The following EPHA5 variants were observed in gnomAD, a reference collection of about 807,000 sequenced individuals.
EPHA5 encodes EPH receptor A5.
Under a neutral mutation model 105.0 loss-of-function variants are expected in EPHA5, and 60 were observed. That is an observed-to-expected ratio of 0.57 (90% CI 0.46 to 0.71). EPHA5 has a LOEUF of 0.71. EPHA5 is among the 30% of genes least tolerant of loss of function. EPHA5 has a pLI of 0.00. For missense variants in EPHA5, 1,218 were observed against 1,274.7 expected, an observed-to-expected ratio of 0.96 and a Z score of 0.68; for synonymous variants, 513 against 449.1, an observed-to-expected ratio of 1.14 and a Z score of -1.80.
At chr4:65,425,216 C>T (rs113441988) in intron 5 of EPHA5, among the ~76,000 whole-genome samples, 119 of 152,084 alleles carry the variant, frequency 7.8e-4, no homozygotes, top group African/African-American at 2.1e-3. Flanking sequence ...ACTGAAGTCC[C>T]TACACGTCAG....
At position 65,362,245 on chromosome 4, in the gene EPHA5, T is replaced by G. The variant is rs572652258; in HGVS notation, c.2173+2772A>C. ...CATAGGAGGGCTACTTCAGACTCCC[T>G]ACCTCAACTTCAATAAGAAAAGTCA... On this transcript the variant is annotated intron_variant, in intron 11 of 16. Transcript: ENST00000613740. 5.5e-3 allele frequency among the ~76,000 whole-genome samples: 833 copies of G among 150,786 alleles called. 8 individuals carry two copies. The highest frequency in any genetic ancestry group is 0.02 in the African/African-American group (805 of 41,238).
At position 65,503,135 on chromosome 4, in the gene EPHA5, T is replaced by A. The variant is rs1286726371; in HGVS notation, c.911-7592A>T. Among the ~76,000 whole-genome samples, 4 of 151,530 alleles carry A rather than the reference T, an allele frequency of 2.6e-5. No individual in the cohort carries two copies. The Admixed American group carries it at 2.6e-4, about 10-fold the overall frequency. On this transcript the variant is annotated intron_variant, in intron 3 of 16. Coordinates refer to ENST00000613740, the MANE Select transcript of EPHA5 (RefSeq NM_001281766.3). Reference sequence around the variant, plus strand: ...CTAGAGGGAAGAAGGAGGAAGGAAGTTGAGTCAGGGATGAAAAGCTAACTG... The same window carrying A: ...CTAGAGGGAAGAAGGAGGAAGGAAGATGAGTCAGGGATGAAAAGCTAACTG...
chr4:65,351,593 G>A lies in EPHA5; in HGVS notation c.2241C>T (p.Asn747=), dbSNP rs751891319. The part of the protein sequence containing the change: ...NGSLDTFLKK[N]DGQFTVIQLV... Reference sequence around the variant, plus strand: ...GCTGAATCACAGTGAACTGCCCATCGTTTTTCTGTAAAGACAATGTAGAAA... The same window carrying A: ...GCTGAATCACAGTGAACTGCCCATCATTTTTCTGTAAAGACAATGTAGAAA... The change falls in exon 13 of 17, where the codon AAC becomes AAT. Residue 747 remains asparagine (N), a synonymous_variant. Transcript: ENST00000613740. 9 of 1,613,060 alleles carry A rather than the reference G, an allele frequency of 5.6e-6. No homozygotes were observed. The highest frequency in any genetic ancestry group is 2.2e-5 in the East Asian group (1 of 44,834).
At chr4:65,470,737 A>T (rs905640931) in intron 5 of EPHA5, among the ~76,000 whole-genome samples, 3 of 152,210 alleles carry the variant, frequency 2.0e-5, no homozygotes, top group African/African-American at 7.2e-5. Flanking sequence ...GTCACTATCA[A>T]TTATGTTACA....
At chr4:65,601,534 T>A (rs369406477) in intron 3 of EPHA5, 107 bp downstream of exon 3, 53 of 1,131,424 alleles carry the variant, frequency 4.7e-5, no homozygotes, top group Non-Finnish European at 5.4e-5. Context: ...ATAATCTCCA[T>A]AAATTAGCAA....
chr4:65,642,931 A>C, intron 2 of EPHA5, among the ~76,000 whole-genome samples: 1 of 152,036 alleles, frequency 6.6e-6, no homozygotes, highest in East Asian at 1.9e-4. Flanking sequence ...TGAAGTAAAA[A>C]TTAAATTGGT....
chr4:65,629,189 CT>C (rs5858976), intron 2 of EPHA5, among the ~76,000 whole-genome samples: 44,943 of 152,050 alleles, frequency 0.3, 6,871 homozygotes, highest in Non-Finnish European at 0.33. Context: ...TGTTTCTATA[CT>C]TTCATATCTA....
At chr4:65,449,182 G>A (rs1305411493) in intron 5 of EPHA5, among the ~76,000 whole-genome samples, 1 of 152,084 alleles carries the variant, frequency 6.6e-6, no homozygotes, top group African/African-American at 2.4e-5. Flanking sequence ...GTTTAACTAT[G>A]ACCAGGCAAT....
At chr4:65,592,968 GA>G (rs1475695150) in intron 3 of EPHA5, among the ~76,000 whole-genome samples, 3 of 152,084 alleles carry the variant, frequency 2.0e-5, no homozygotes, top group Non-Finnish European at 4.4e-5. Context: ...AGGTCAATAA[GA>G]AAAAGACAAG....
chr4:65,576,124 A>C, intron 3 of EPHA5, among the ~76,000 whole-genome samples: 1 of 148,108 alleles, frequency 6.8e-6, no homozygotes, highest in South Asian at 2.1e-4. Context: ...AAAAAAGAAA[A>C]GAAAAGAAAA....
chr4:65,611,996 G>A (rs28546489), intron 2 of EPHA5, among the ~76,000 whole-genome samples: 8,277 of 118,742 alleles, frequency 0.07, 354 homozygotes, highest in Admixed American at 0.16. Context: ...CAGCCTGGGC[G>A]ATAGAGCGAG....
rs11345574 is a variant in EPHA5 at position 65,650,391 on chromosome 4, C to CA, written c.182-6965dup. 3.7e-3 allele frequency among the ~76,000 whole-genome samples: 513 copies of CA among 136,932 alleles called. 4 individuals carry two copies. The highest frequency in any genetic ancestry group is 7.9e-3 in the South Asian group (33 of 4,154). 89.8% of individuals were successfully genotyped at this position (136,932 alleles called of 152,430 possible). ...TGAAACCCGGTGTGTACTAAACATACAAAAAAAAAAAAAAAAAATTAACCA... is the reference window on the plus strand; with the variant it reads ...TGAAACCCGGTGTGTACTAAACATACAAAAAAAAAAAAAAAAAAATTAACCA... On this transcript the variant is annotated intron_variant, in intron 1 of 16. Coordinates refer to ENST00000613740, the MANE Select transcript of EPHA5 (RefSeq NM_001281766.3).
At chr4:65,520,125 T>C (rs1042932172) in intron 3 of EPHA5, among the ~76,000 whole-genome samples, 1 of 151,942 alleles carries the variant, frequency 6.6e-6, no homozygotes, top group Non-Finnish European at 1.5e-5. Context: ...TGACTTCAAA[T>C]TATACTACAA....
intron 8 of EPHA5, among the ~76,000 whole-genome samples, chr4:65,386,487 A>T (rs987564580): frequency 6.6e-6 from 1 of 152,018 alleles, no homozygotes; most frequent in East Asian, 1.9e-4. Context: ...AATTTTATGA[A>T]TGTGTTCTAA....
At chr4:65,657,982 A>G (rs1373096068) in intron 1 of EPHA5, among the ~76,000 whole-genome samples, 2 of 150,004 alleles carry the variant, frequency 1.3e-5, no homozygotes, top group Non-Finnish European at 3.0e-5. Flanking sequence ...ATACTATTTC[A>G]GTGGCCATTC....
chr4:65,361,450 T>C (rs1204882583), intron 11 of EPHA5, among the ~76,000 whole-genome samples: 1 of 151,674 alleles, frequency 6.6e-6, no homozygotes, highest in African/African-American at 2.4e-5. Flanking sequence ...TTTGCTTGAC[T>C]GCTGATGAAG....
intron 5 of EPHA5, among the ~76,000 whole-genome samples, chr4:65,437,422 A>G (rs1186744710): frequency 6.6e-6 from 1 of 152,080 alleles, no homozygotes; most frequent in Non-Finnish European, 1.5e-5. Context: ...TTCTTTAATT[A>G]ATTAAAAAAG....
At chr4:65,420,891 A>T (rs765037555) in intron 5 of EPHA5, among the ~76,000 whole-genome samples, 6 of 152,020 alleles carry the variant, frequency 3.9e-5, no homozygotes, top group Non-Finnish European at 7.4e-5. Flanking sequence ...CATTTCTAAA[A>T]TGTATGAGCT....
At chr4:65,522,334 A>ATATATATATATATAT (rs1560643533) in intron 3 of EPHA5, among the ~76,000 whole-genome samples, 1 of 149,926 alleles carries the variant, frequency 6.7e-6, no homozygotes, top group Admixed American at 6.7e-5. Context: ...ATATATATAT[A>ATATATATATATATAT]AAATCAACAG....
Sources: allele counts gnomAD v4.1 joint callset (sites outside exome capture counted in the v4.1 genomes callset), GRCh38; gene constraint gnomAD v4.1.1; transcripts MANE v1.5; gene names NCBI Gene and HGNC (gene_info 2026-07-23, HGNC 2026-07-21).